Variants in SEC16A observed in about 807,000 individuals in gnomAD.
The protein encoded by SEC16A is protein transport protein Sec16A.
Under a neutral mutation model 221.9 loss-of-function variants are expected in SEC16A, and 110 were observed. That is an observed-to-expected ratio of 0.50 (90% CI 0.42 to 0.58). SEC16A has a LOEUF of 0.58. Among genes scored for constraint, SEC16A ranks in the 20% least tolerant of loss-of-function variants. The pLI, the probability that SEC16A is intolerant of heterozygous loss-of-function variation, is 0.00. For missense variants in SEC16A, 3,165 were observed against 3,097.8 expected (o/e 1.02, Z -0.52); for synonymous variants, 1,393 against 1,257.7 (o/e 1.11, Z -2.28).
intron 31 of SEC16A, among the ~76,000 whole-genome samples, chr9:136,443,322 C>T (rs768482729): frequency 1.3e-5 from 2 of 152,206 alleles, no homozygotes; most frequent in African/African-American, 2.4e-5. Context: ...AAATGGCAGC[C>T]GGGGAGGGCC....
At position 136,460,136 on chromosome 9, in the gene SEC16A, A is replaced by C; in HGVS notation, c.4992-13T>G. 6.3e-7 allele frequency: 1 copy of C among 1,590,416 alleles called. No individual in the cohort carries two copies. The highest frequency in any genetic ancestry group is 1.8e-5 in the Admixed American group (1 of 56,412). ...GCTGTTAGCAAACCTAGGCAGACAT[A>C]AACACAGAAAGACCCCATGCTGGCT... On this transcript the variant is annotated splice_polypyrimidine_tract_variant and intron_variant, in intron 13 of 31. Coordinates refer to ENST00000684901, the MANE Select transcript of SEC16A (RefSeq NM_014866.2).
upstream of SEC16A, chr9:136,483,050 C>G: frequency 1.0e-6 from 1 of 983,854 alleles, no homozygotes; most frequent in Non-Finnish European, 1.2e-6. Flanking sequence ...CGGCTCGGGT[C>G]TCCGCGGCCG....
chr9:136,447,078 A>G lies in SEC16A; in HGVS notation c.6698-129T>C, dbSNP rs1321998436. 6.7e-6 allele frequency: 3 copies of G among 445,096 alleles called. No individual in the cohort carries two copies. In the African/African-American group the frequency reaches 1.3e-4, roughly 19 times the overall value. 27.6% of individuals were successfully genotyped at this position (445,096 alleles called of 1,614,324 possible). A position where few individuals can be genotyped will look rare whatever the true frequency, so the allele number is the denominator to read the frequency against. ...ACACTCATGCAGAAACAGGCAAATC[A>G]AAAAAAAAACCACAAACCAACCCCA... On this transcript the variant is annotated intron_variant, in intron 27 of 31. Transcript: ENST00000684901. The surrounding 1 kb of genome is among the most constrained non-coding windows in gnomAD (Gnocchi z 5.5).
At chr9:136,465,156 C>G (rs1187775515) in intron 8 of SEC16A, among the ~76,000 whole-genome samples, 1 of 151,770 alleles carries the variant, frequency 6.6e-6, no homozygotes, top group Non-Finnish European at 1.5e-5. Context: ...TGAAACAATA[C>G]TTTAAGAAAG....
rs372972959 is a variant in SEC16A at position 136,456,175 on chromosome 9, G to A, written c.5551-9C>T. ...CGTAACTGGGAAGCCATCTAGACAC[G>A]GGCAAAAATCAAAGGCCCCTGTCAC... On this transcript the variant is annotated splice_polypyrimidine_tract_variant and intron_variant, in intron 18 of 31. Transcript: ENST00000684901. 1.9e-4 allele frequency: 306 copies of A among 1,604,812 alleles called. No homozygotes were observed. The highest frequency in any genetic ancestry group is 2.5e-4 in the Non-Finnish European group (291 of 1,174,532).
intron 28 of SEC16A, among the ~76,000 whole-genome samples, chr9:136,446,104 GTT>G (rs900305729): frequency 3.0e-5 from 4 of 135,092 alleles, no homozygotes; most frequent in Non-Finnish European, 4.8e-5. Flanking sequence ...GTCTGAGCTG[GTT>G]TTTTTTTTTT....
intron 31 of SEC16A, among the ~76,000 whole-genome samples, chr9:136,443,236 C>T (rs1393993277): frequency 6.6e-6 from 1 of 150,630 alleles, no homozygotes; most frequent in Non-Finnish European, 1.5e-5. Flanking sequence ...GTCGACAGAG[C>T]TCCACACGGG....
In SEC16A at chr9:136,456,078, AG is replaced by A; in HGVS notation, c.5638del (p.Leu1880CysfsTer108). ...CTTAATCTGCCGCTCCACCTGCTGC[AG>A]GTGAACCAGCCACGTGGGTGCGGCC... ...SLAAPTWLVHLQQVERQIKEG... is the reference protein window; with the variant it reads ...SLAAPTWLVHXQQVERQIKEG... On this transcript the variant is annotated frameshift_variant, in exon 19 of 32. Coordinates refer to ENST00000684901, the MANE Select transcript of SEC16A (RefSeq NM_014866.2). LOFTEE classifies it high-confidence loss of function. 6.2e-7 allele frequency: 1 copy of A among 1,612,930 alleles called. No homozygotes were observed. Among genetic ancestry groups the A allele is most frequent in the Non-Finnish European group, 8.5e-7 (1 of 1,179,484 alleles).
At chr9:136,456,003 A>T (rs1457556905) in intron 19 of SEC16A, 50 bp downstream of exon 19, 9 of 1,462,926 alleles carry the variant, frequency 6.2e-6, no homozygotes, top group Non-Finnish European at 8.5e-6. Flanking sequence ...TGACAGGGAC[A>T]GAAGCCACCT....
intron 29 of SEC16A, among the ~76,000 whole-genome samples, chr9:136,445,337 A>G (rs1283274057): frequency 6.6e-6 from 1 of 152,220 alleles, no homozygotes; most frequent in Non-Finnish European, 1.5e-5. Flanking sequence ...GGAAAAGTCC[A>G]GCCTCGGCCT....
intron 5 of SEC16A, among the ~76,000 whole-genome samples, chr9:136,467,573 T>C (rs570331820): frequency 1.7e-4 from 26 of 152,306 alleles, no homozygotes; most frequent in Non-Finnish European, 3.1e-4. Flanking sequence ...CTACTATTTC[T>C]TCTCCTTAAT....
Position 136,476,573 on chromosome 9 carries a change from T to C in SEC16A, c.1043A>G (p.His348Arg). ...ARGDSPENRT[H>R]HPLGAGAGSG... The stretch of plus-strand genomic sequence containing the variant: ...CCCGGCCCCAGCCCCCAGTGGGTGG[T>C]GCGTACGGTTTTCTGGGCTATCTCC... The change falls in exon 3 of 32, where the codon CAC becomes CGC. Residue 348 changes from histidine to arginine, a missense_variant. His to Arg is a conservative substitution (Grantham distance 29). Transcript: ENST00000684901. 6.2e-7 allele frequency: 1 copy of C among 1,608,486 alleles called. No individual in the cohort carries two copies. Among genetic ancestry groups the C allele is most frequent in the Non-Finnish European group, 8.5e-7 (1 of 1,176,266 alleles).
intron 22 of SEC16A, among the ~76,000 whole-genome samples, chr9:136,453,100 A>C (rs917674465): frequency 4.0e-5 from 6 of 151,786 alleles, no homozygotes; most frequent in Non-Finnish European, 8.8e-5. Flanking sequence ...AAAAAGAAAA[A>C]GAGATGTAGA....
At position 136,459,587 on chromosome 9, in the gene SEC16A, G is replaced by A; in HGVS notation, c.5192-32C>T. The A allele has an allele frequency of 3.9e-6, 6 of 1,524,788 alleles. No homozygotes were observed. The highest frequency in any genetic ancestry group is 1.4e-5 in the African/African-American group (1 of 72,590). 94.5% of individuals were successfully genotyped at this position (1,524,788 alleles called of 1,614,324 possible). On this transcript the variant is annotated intron_variant, in intron 15 of 31. Transcript: ENST00000684901. The surrounding 1 kb of genome is among the most constrained non-coding windows in gnomAD (Gnocchi z 6.1). ...AGAGACGACACGACACACGGCGGGG[G>A]CTCAGCGACCGGGAGCGCTTGCAGA...
Position 136,461,283 on chromosome 9 carries a change from G to A in SEC16A, c.4894-9C>T, listed in dbSNP as rs1340933526. The A allele has an allele frequency of 6.3e-7, 1 of 1,585,796 alleles. No homozygotes were observed. ...GCAGACTCCAAAGCATCCTGCAAAA[G>A]GCATTTCAGGGACCTTGGTGGGTTA... On this transcript the variant is annotated splice_polypyrimidine_tract_variant and intron_variant, in intron 12 of 31. Transcript: ENST00000684901.
intron 22 of SEC16A, among the ~76,000 whole-genome samples, chr9:136,452,197 C>T (rs185282673): frequency 1.4e-3 from 212 of 151,962 alleles, no homozygotes; most frequent in African/African-American, 5.0e-3. Context: ...GCCTGTAATC[C>T]CAGCACTTTG....
intron 31 of SEC16A, 68 bp from the exon 32 acceptor site, chr9:136,441,891 G>A (rs889370580): frequency 3.7e-5 from 51 of 1,384,078 alleles, no homozygotes; most frequent in East Asian, 3.2e-4. Flanking sequence ...CGGCTGCAGC[G>A]TGGCAGGGGC....
At position 136,440,822 on chromosome 9, in the gene SEC16A, G is replaced by C. The variant is rs1254411253; in HGVS notation, c.*933C>G. On this transcript the variant is annotated 3_prime_UTR_variant, in exon 32 of 32. Transcript: ENST00000684901. ...GGGGAGAAAGTGGGTCATGTGGATT[G>C]TACCACGAAAAGTGCTCACGGAAAG... 6.6e-6 allele frequency: 1 copy of C among 152,394 alleles called. No individual in the cohort carries two copies. Among genetic ancestry groups the C allele is most frequent in the South Asian group, 2.1e-4 (1 of 4,838 alleles). 9.4% of individuals were successfully genotyped at this position (152,394 alleles called of 1,614,324 possible).
Position 136,462,997 on chromosome 9 carries a change from ACTC to A in SEC16A, c.4780_4782del (p.Glu1594del), listed in dbSNP as rs761748590. ...AGGAAAGAGAGCTGGGCCTCACCAG[ACTC>A]CTCCTCTTCCACCTGCTCCACTGCC... On this transcript the variant is annotated inframe_deletion, in exon 12 of 32. Coordinates refer to ENST00000684901, the MANE Select transcript of SEC16A (RefSeq NM_014866.2). The A allele has an allele frequency of 6.2e-7, 1 of 1,610,300 alleles. No homozygotes were observed. The highest frequency in any genetic ancestry group is 1.3e-5 in the African/African-American group (1 of 74,822).
Sources: allele counts gnomAD v4.1 joint callset (sites outside exome capture counted in the v4.1 genomes callset), GRCh38; gene constraint gnomAD v4.1.1; non-coding constraint Gnocchi (gnomAD v3.1); transcripts MANE v1.5; gene names NCBI Gene and HGNC (gene_info 2026-07-23, HGNC 2026-07-21).